UBR1: variants seen among roughly 807,000 people sequenced by gnomAD.
UBR1 encodes the protein E3 ubiquitin-protein ligase UBR1.
Under a neutral mutation model 242.1 loss-of-function variants are expected in UBR1, and 102 were observed. That is an observed-to-expected ratio of 0.42 (90% CI 0.36 to 0.50). The LOEUF (loss-of-function observed/expected upper bound fraction) is 0.50. Ranked by LOEUF, UBR1 falls within the 20% of genes least tolerant of loss-of-function variation. UBR1 has a pLI of 0.01. For missense variants in UBR1, 1,772 were observed against 2,101.8 expected (o/e 0.84, Z 3.07); for synonymous variants, 675 against 684.8 (o/e 0.99, Z 0.22).
At chr15:43,023,417 C>T (rs775972679) in intron 25 of UBR1, among the ~76,000 whole-genome samples, 1 of 151,450 alleles carries the variant, frequency 6.6e-6, no homozygotes, top group African/African-American at 2.4e-5. Flanking sequence ...CATGGTGAAA[C>T]CTTGTCTCTA....
At chr15:43,012,238 A>C (rs1048115028) in intron 29 of UBR1, among the ~76,000 whole-genome samples, 2 of 152,012 alleles carry the variant, frequency 1.3e-5, no homozygotes, top group Non-Finnish European at 2.9e-5. Context: ...AAAAAAAAAA[A>C]AAAGAATCTA....
intron 32 of UBR1, among the ~76,000 whole-genome samples, chr15:42,999,833 CAAG>C (rs1455141542): frequency 1.3e-5 from 2 of 151,326 alleles, no homozygotes; most frequent in Non-Finnish European, 2.9e-5. Context: ...AAAAAAAAAC[CAAG>C]AAGGACTAGA....
At chr15:43,067,378 G>A (rs1033736735) in intron 6 of UBR1, among the ~76,000 whole-genome samples, 2 of 152,016 alleles carry the variant, frequency 1.3e-5, no homozygotes, top group Non-Finnish European at 2.9e-5. Flanking sequence ...ATTAAATGAC[G>A]AATGTCATGC....
In UBR1 at chr15:42,945,329, T is replaced by A; in HGVS notation, c.5250A>T (p.Ter1750CysextTer11). 6.2e-7 allele frequency: 1 copy of A among 1,614,146 alleles called. No homozygotes were observed. Among genetic ancestry groups the A allele is most frequent in the Non-Finnish European group, 8.5e-7 (1 of 1,180,016 alleles). Residue 1750 changes from the stop codon to cysteine, a stop_lost, in exon 47 of 47, where the codon TGA becomes TGT. Transcript: ENST00000290650. The stretch of plus-strand genomic sequence containing the variant: ...GATTGTCTTGAGGCAGAGTTGGAGC[T>A]CACAGTAACTGCCAGTTGAATCCAA... ...MLFGFNWQLL[*>C]
At chr15:43,014,237 T>A (rs1289886301) in intron 29 of UBR1, among the ~76,000 whole-genome samples, 2 of 152,158 alleles carry the variant, frequency 1.3e-5, no homozygotes, top group Non-Finnish European at 2.9e-5. Flanking sequence ...TGCTACAACC[T>A]CCACCTCCCA....
intron 3 of UBR1, among the ~76,000 whole-genome samples, chr15:43,078,742 G>T (rs950882520): frequency 6.6e-6 from 1 of 152,086 alleles, no homozygotes; most frequent in Non-Finnish European, 1.5e-5. Flanking sequence ...TTTGAAGTGG[G>T]AGGATCACTA....
chr15:43,007,519 T>C (rs1032869160), intron 29 of UBR1, among the ~76,000 whole-genome samples: 1 of 151,950 alleles, frequency 6.6e-6, no homozygotes, highest in African/African-American at 2.4e-5. Flanking sequence ...TAAAATGGAA[T>C]GTATATTATA....
chr15:43,049,404 A>T (rs887015899), intron 12 of UBR1, among the ~76,000 whole-genome samples: 3 of 152,290 alleles, frequency 2.0e-5, no homozygotes, highest in Admixed American at 2.0e-4. Context: ...TCTACTAAAA[A>T]TACAAAAAAT....
At chr15:43,020,456 C>A (rs1030272959) in intron 27 of UBR1, among the ~76,000 whole-genome samples, 1 of 152,222 alleles carries the variant, frequency 6.6e-6, no homozygotes, top group Admixed American at 6.5e-5. Context: ...TTACTATCTG[C>A]ATCTTAGCCT....
intron 2 of UBR1, among the ~76,000 whole-genome samples, chr15:43,085,321 G>A (rs943242708): frequency 1.3e-5 from 2 of 152,226 alleles, no homozygotes; most frequent in Non-Finnish European, 2.9e-5. Flanking sequence ...GAAGTATTCA[G>A]AATTCTGAAA....
At chr15:43,057,645 T>C (rs972463416) in intron 10 of UBR1, among the ~76,000 whole-genome samples, 2 of 152,224 alleles carry the variant, frequency 1.3e-5, no homozygotes, top group Admixed American at 1.3e-4. Flanking sequence ...GTAGAACTCT[T>C]GGCCACCTAA....
chr15:42,950,294 C>G lies in UBR1; in HGVS notation c.5076G>C (p.Leu1692Phe). Reference sequence around the variant, plus strand: ...CAGGGTCTGTTTCTCCATATTCATCCAAGTAAGGAGCTGGATAGGCACAGC... The same window carrying G: ...CAGGGTCTGTTTCTCCATATTCATCGAAGTAAGGAGCTGGATAGGCACAGC... ...ARGCAYPAPY[L>F]DEYGETDPGL... is the part of the protein sequence containing the mutation. The change falls in exon 46 of 47, where the codon TTG becomes TTC. Residue 1692 changes from leucine (L) to phenylalanine (F), a missense_variant. Leu to Phe is a conservative substitution (Grantham distance 22). This residue lies in a region of UBR1 where 965 missense variants were observed against 1,079.7 expected (regional missense o/e 0.89). Coordinates refer to ENST00000290650, the MANE Select transcript of UBR1 (RefSeq NM_174916.3). 6.2e-7 allele frequency: 1 copy of G among 1,614,048 alleles called. No individual in the cohort carries two copies. The highest frequency in any genetic ancestry group is 8.5e-7 in the Non-Finnish European group (1 of 1,180,010).
intron 15 of UBR1, 78 bp from the exon 16 acceptor site, chr15:43,038,310 CTT>C: frequency 6.9e-7 from 1 of 1,457,982 alleles, no homozygotes; most frequent in Non-Finnish European, 9.6e-7. Flanking sequence ...AGTTTAGAAA[CTT>C]GTGCGATTTG....
chr15:43,010,969 G>T (rs548717521), intron 29 of UBR1, among the ~76,000 whole-genome samples: 34 of 152,024 alleles, frequency 2.2e-4, no homozygotes, highest in African/African-American at 8.2e-4. Flanking sequence ...CAGTCTAGGC[G>T]ACAAAGCAAG....
intron 20 of UBR1, among the ~76,000 whole-genome samples, chr15:43,030,303 T>TACAA (rs1023894366): frequency 6.6e-6 from 1 of 152,158 alleles, no homozygotes; most frequent in Non-Finnish European, 1.5e-5. Flanking sequence ...CTTACACACA[T>TACAA]ACAAACAAAC....
chr15:43,091,777 CA>C (rs1435896132), intron 1 of UBR1, among the ~76,000 whole-genome samples: 1 of 151,462 alleles, frequency 6.6e-6, no homozygotes, highest in Non-Finnish European at 1.5e-5. Flanking sequence ...ACTAAAAATA[CA>C]AAAATTAGCC....
intron 43 of UBR1, among the ~76,000 whole-genome samples, chr15:42,958,590 T>C (rs16957288): frequency 0.017 from 2,571 of 152,262 alleles, 32 homozygotes; most frequent in Admixed American, 0.026. Flanking sequence ...CTAATATTGA[T>C]TTAAGAAATG....
chr15:43,035,741 T>C (rs886668430), intron 19 of UBR1, among the ~76,000 whole-genome samples: 4 of 150,916 alleles, frequency 2.7e-5, no homozygotes, highest in African/African-American at 7.3e-5. Context: ...GGTTTTCTTC[T>C]AGGGTTTTTA....
chr15:43,005,609 G>A lies in UBR1; in HGVS notation c.3415+1470C>T, dbSNP rs576406789. ...GGAGGTGTACCCAACAGCTCATTGA[G>A]AACGGGCCATGATGACGATGGCGGT... On this transcript the variant is annotated intron_variant, in intron 30 of 46. Transcript: ENST00000290650. Among the ~76,000 whole-genome samples the A allele has an allele frequency of 3.4e-3, 525 of 152,362 alleles. 2 individuals carry two copies. The highest frequency in any genetic ancestry group is 0.012 in the African/African-American group (500 of 41,590).
Sources: allele counts gnomAD v4.1 joint callset (sites outside exome capture counted in the v4.1 genomes callset), GRCh38; gene constraint gnomAD v4.1.1; regional missense constraint gnomAD v4.1.1; transcripts MANE v1.5; gene names NCBI Gene and HGNC (gene_info 2026-07-23, HGNC 2026-07-21).